The following SOX5 variants were observed in gnomAD, a reference collection of about 807,000 sequenced individuals.
The protein encoded by SOX5 is SRY-box transcription factor 5, also known as transcription factor SOX-5.
A neutral mutation model predicts 92.0 loss-of-function variants in SOX5; 9 were observed. The ratio of observed to expected loss-of-function variants is 0.10; its 90% confidence interval spans 0.06 to 0.17. The LOEUF is 0.17. Among genes scored for constraint, SOX5 ranks in the 10% least tolerant of loss-of-function variants. SOX5 has a pLI of 1.00. For missense variants in SOX5, 642 were observed against 944.5 expected (o/e 0.68, Z 4.20); for synonymous variants, 344 against 336.3 (o/e 1.02, Z -0.25).
chr12:24,002,697 C>T (rs1951731504), intron 4 of SOX5, among the ~76,000 whole-genome samples: 1 of 151,560 alleles, frequency 6.6e-6, no homozygotes, highest in Non-Finnish European at 1.5e-5. Flanking sequence ...TTAATATTTC[C>T]ACAATGCAAA....
At chr12:24,508,258 A>G (rs1394316681) in intron 1 of SOX5, among the ~76,000 whole-genome samples, 1 of 152,174 alleles carries the variant, frequency 6.6e-6, no homozygotes, top group Non-Finnish European at 1.5e-5. Flanking sequence ...AAACCTGGAG[A>G]AAAGAAGCTC....
At chr12:23,665,710 A>T in intron 6 of SOX5, 146 bp from the exon 7 acceptor site, 1 of 900,366 alleles carries the variant, frequency 1.1e-6, no homozygotes. Flanking sequence ...GGGCTTGAGG[A>T]TATGCTTTGG....
chr12:24,222,348 T>C (rs1443815611), intron 3 of SOX5, among the ~76,000 whole-genome samples: 1 of 152,196 alleles, frequency 6.6e-6, no homozygotes, highest in East Asian at 1.9e-4. Flanking sequence ...GTTTATTTTG[T>C]CTTGGGCCAG....
intron 4 of SOX5, among the ~76,000 whole-genome samples, chr12:23,989,097 C>T (rs911352895): frequency 6.6e-6 from 1 of 151,448 alleles, no homozygotes; most frequent in African/African-American, 2.4e-5. Context: ...GCTTAGGCCA[C>T]GTGCGTTGGC....
At chr12:23,676,416 A>G (rs1332970369) in intron 6 of SOX5, among the ~76,000 whole-genome samples, 1 of 152,208 alleles carries the variant, frequency 6.6e-6, no homozygotes, top group African/African-American at 2.4e-5. Flanking sequence ...TATACTCAAG[A>G]ACAAGTTTTT....
intron 2 of SOX5, among the ~76,000 whole-genome samples, chr12:23,887,967 T>A (rs117697706): frequency 6.7e-6 from 1 of 150,266 alleles, no homozygotes; most frequent in Non-Finnish European, 1.5e-5. Context: ...TATCTAGATG[T>A]CAAGTAGTTA....
intron 1 of SOX5, among the ~76,000 whole-genome samples, chr12:24,507,727 G>A (rs1948931946): frequency 6.6e-6 from 1 of 152,080 alleles, no homozygotes; most frequent in Non-Finnish European, 1.5e-5. Context: ...AGACACCTAT[G>A]GAAAGAGGGG....
chr12:23,570,864 T>C (rs1176110804), intron 10 of SOX5, among the ~76,000 whole-genome samples: 5 of 133,514 alleles, frequency 3.7e-5, no homozygotes, highest in African/African-American at 1.4e-4. Flanking sequence ...TGAGCCAAGA[T>C]TGCGCCACTG....
intron 2 of SOX5, among the ~76,000 whole-genome samples, chr12:23,859,707 G>T (rs561780111): frequency 6.6e-6 from 1 of 152,142 alleles, no homozygotes; most frequent in Non-Finnish European, 1.5e-5. Flanking sequence ...TTGTGGCTCA[G>T]GTGGGCATCA....
intron 4 of SOX5, among the ~76,000 whole-genome samples, chr12:24,067,746 CAAAG>C (rs1941001726): frequency 6.6e-6 from 1 of 151,412 alleles, no homozygotes; most frequent in Non-Finnish European, 1.5e-5. Flanking sequence ...AATCAGTAAA[CAAAG>C]AAAAAAGGAA....
chr12:24,460,251 A>T (rs1466972528), intron 1 of SOX5, among the ~76,000 whole-genome samples: 1 of 152,216 alleles, frequency 6.6e-6, no homozygotes, highest in Non-Finnish European at 1.5e-5. Flanking sequence ...GTCCAACCTA[A>T]AGGCTGTCTC....
chr12:23,560,770 T>C (rs12298033), intron 11 of SOX5, among the ~76,000 whole-genome samples: 1 of 152,250 alleles, frequency 6.6e-6, no homozygotes, highest in Non-Finnish European at 1.5e-5. Flanking sequence ...TACACAGACA[T>C]AGATTGATCA....
In SOX5 at chr12:23,741,117, T is replaced by C. The variant is rs539203254; in HGVS notation, c.569-78A>G. The C allele has an allele frequency of 2.0e-5, 21 of 1,038,858 alleles. No individual in the cohort carries two copies. The East Asian group carries it at 4.5e-4, about 22-fold the overall frequency. The allele number at this position is 1,038,858 out of a possible 1,614,324, so 64.4% of individuals were successfully genotyped here. ...TTTCAATGAAAATGGCTCTGTTGTA[T>C]ACAGAGCCAGTCCAAATATAAAGTT... On this transcript the variant is annotated intron_variant, in intron 4 of 14. Coordinates refer to ENST00000451604, the MANE Select transcript of SOX5 (RefSeq NM_006940.6).
intron 4 of SOX5, among the ~76,000 whole-genome samples, chr12:24,171,827 G>C (rs546017224): frequency 6.6e-6 from 1 of 152,014 alleles, no homozygotes; most frequent in Admixed American, 6.6e-5. Context: ...GCAAGACCCT[G>C]TCTCTATTTT....
chr12:24,344,496 G>A (rs1006962734), intron 2 of SOX5, among the ~76,000 whole-genome samples: 1 of 152,034 alleles, frequency 6.6e-6, no homozygotes, highest in Non-Finnish European at 1.5e-5. Context: ...GATGAACATG[G>A]ATCACAGCTG....
chr12:24,433,885 G>A (rs1173702340), intron 1 of SOX5, among the ~76,000 whole-genome samples: 1 of 152,106 alleles, frequency 6.6e-6, no homozygotes, highest in Non-Finnish European at 1.5e-5. Context: ...AGAATGAATG[G>A]GATTGACCAG....
At chr12:24,128,686 C>T (rs1949350798) in intron 4 of SOX5, among the ~76,000 whole-genome samples, 1 of 152,176 alleles carries the variant, frequency 6.6e-6, no homozygotes, top group Non-Finnish European at 1.5e-5. Flanking sequence ...GCAGAAGCCA[C>T]AACCCGCAGG....
At chr12:23,807,793 G>A (rs1375594040) in intron 3 of SOX5, among the ~76,000 whole-genome samples, 1 of 151,848 alleles carries the variant, frequency 6.6e-6, no homozygotes, top group African/African-American at 2.4e-5. Context: ...GATTACAGGT[G>A]CCCACCACCA....
rs754505712 is a variant in SOX5, at chr12:23,534,455, T to C, written c.2056A>G (p.Met686Val). Reference sequence around the variant, plus strand: ...TCCGAGGGCAGGTGAGGGGAGGGCATCCCAGCCATGGCGATGGCTCCAGGG... The same window carrying C: ...TCCGAGGGCAGGTGAGGGGAGGGCACCCCAGCCATGGCGATGGCTCCAGGG... ...VYPGAIAMAG[M>V]PSPHLPSEHS... The change falls in exon 15 of 15, where the codon ATG becomes GTG. Residue 686 changes from methionine to valine, a missense_variant. Coordinates refer to ENST00000451604, the MANE Select transcript of SOX5 (RefSeq NM_006940.6). 1.2e-6 allele frequency: 2 copies of C among 1,613,970 alleles called. No individual in the cohort carries two copies. The highest frequency in any genetic ancestry group is 1.7e-6 in the Non-Finnish European group (2 of 1,179,954).
Sources: allele counts gnomAD v4.1 joint callset (sites outside exome capture counted in the v4.1 genomes callset), GRCh38; gene constraint gnomAD v4.1.1; transcripts MANE v1.5; gene names NCBI Gene and HGNC (gene_info 2026-07-23, HGNC 2026-07-21).